Variants in CTNNA2 observed in about 807,000 individuals in gnomAD.
The protein encoded by CTNNA2 is catenin alpha 2.
CTNNA2 carries 42 observed loss-of-function variants against 101.0 expected under a neutral mutation model. The ratio of observed to expected loss-of-function variants is 0.42; its 90% confidence interval spans 0.32 to 0.54. CTNNA2 has a LOEUF of 0.54. Ranked by LOEUF, CTNNA2 falls within the 20% of genes least tolerant of loss-of-function variation. The pLI, the probability that CTNNA2 is intolerant of heterozygous loss-of-function variation, is 0.14. For missense variants in CTNNA2, 871 were observed against 1,223.1 expected, an observed-to-expected ratio of 0.71 and a Z score of 4.29; for synonymous variants, 450 against 456.4, an observed-to-expected ratio of 0.99 and a Z score of 0.18.
At chr2:80,059,250 G>T (rs1428658781) in intron 7 of CTNNA2, among the ~76,000 whole-genome samples, 1 of 152,050 alleles carries the variant, frequency 6.6e-6, no homozygotes, top group African/African-American at 2.4e-5. Flanking sequence ...ATCACAAATT[G>T]CAAGACTCTC....
intron 9 of CTNNA2, among the ~76,000 whole-genome samples, chr2:80,442,574 TGCCATG>T (rs1682688972): frequency 6.6e-6 from 1 of 152,164 alleles, no homozygotes; most frequent in South Asian, 2.1e-4. Context: ...GCCTTCCCAA[TGCCATG>T]GCTTGAGCAA....
chr2:80,365,848 T>C (rs1674882461), intron 7 of CTNNA2, among the ~76,000 whole-genome samples: 1 of 152,180 alleles, frequency 6.6e-6, no homozygotes, highest in Admixed American at 6.5e-5. Flanking sequence ...AGTAGCATTG[T>C]AATTAAGACT....
At chr2:79,886,264 C>T (rs1225923390) in intron 6 of CTNNA2, among the ~76,000 whole-genome samples, 1 of 152,060 alleles carries the variant, frequency 6.6e-6, no homozygotes, top group Admixed American at 6.6e-5. Context: ...GAGTATTTCT[C>T]AGGTAGAAAG....
At chr2:79,383,480 T>C (rs1051072156) in intron 4 of CTNNA2, among the ~76,000 whole-genome samples, 1 of 152,148 alleles carries the variant, frequency 6.6e-6, no homozygotes. Flanking sequence ...GAAACTAGAA[T>C]ACCCATGCTG....
chr2:79,535,847 A>T (rs1461592276), intron 1 of CTNNA2, among the ~76,000 whole-genome samples: 1 of 152,124 alleles, frequency 6.6e-6, no homozygotes, highest in Non-Finnish European at 1.5e-5. Flanking sequence ...ATAGCTGCAC[A>T]TTGTCAGCTC....
At chr2:79,741,232 A>G (rs140403510) in intron 2 of CTNNA2, among the ~76,000 whole-genome samples, 461 of 152,306 alleles carry the variant, frequency 3.0e-3, no homozygotes, top group African/African-American at 0.011. Flanking sequence ...AACATTTGAT[A>G]TATTGGCCAG....
chr2:79,829,539 C>T (rs1177650696), intron 3 of CTNNA2, among the ~76,000 whole-genome samples: 2 of 151,328 alleles, frequency 1.3e-5, no homozygotes, highest in African/African-American at 2.4e-5. Flanking sequence ...CATTGCACTC[C>T]AGGCTGGGTG....
rs139746588 is a variant in CTNNA2 at position 79,888,635 on chromosome 2, C to T, written c.852+14293C>T. On this transcript the variant is annotated intron_variant, in intron 6 of 18. Coordinates refer to ENST00000402739, the MANE Select transcript of CTNNA2 (RefSeq NM_001282597.3). ...TGCAATTTATATCTTGATTTTTTGG[C>T]CCCCTATCAGGTTTAATCAAAATTA... Among the ~76,000 whole-genome samples the T allele has an allele frequency of 9.2e-4, 140 of 152,094 alleles. No individual in the cohort carries two copies. In the Middle Eastern group the frequency reaches 0.017, roughly 18 times the overall value.
chr2:80,596,327 T>G (rs1296034100), intron 15 of CTNNA2, among the ~76,000 whole-genome samples: 2 of 113,684 alleles, frequency 1.8e-5, no homozygotes, highest in Admixed American at 9.7e-5. Context: ...TTTTTTTTTT[T>G]GAGACGGAGT....
chr2:80,415,892 A>T (rs369712392), intron 8 of CTNNA2, among the ~76,000 whole-genome samples: 1 of 152,172 alleles, frequency 6.6e-6, no homozygotes, highest in East Asian at 1.9e-4. Flanking sequence ...ATGTGACAAC[A>T]TGGATGGACT....
rs530166373 is a variant in CTNNA2 at position 80,061,033 on chromosome 2, C to T, written c.1056+151236C>T. On this transcript the variant is annotated intron_variant, in intron 7 of 18. Transcript: ENST00000402739. ...TTTCAACTGCACCACATCCTAAGCT[C>T]TCCCTCTGCCCAACCCTGCCTGTCT... Among the ~76,000 whole-genome samples the T allele has an allele frequency of 2.2e-4, 34 of 152,272 alleles. No individual in the cohort carries two copies. The South Asian group carries it at 5.0e-3, about 22-fold the overall frequency.
At chr2:80,272,996 T>C (rs1423794994) in intron 7 of CTNNA2, among the ~76,000 whole-genome samples, 2 of 152,170 alleles carry the variant, frequency 1.3e-5, no homozygotes, top group Admixed American at 6.5e-5. Flanking sequence ...TGAAAGGTGG[T>C]TTATAAAGAT....
chr2:80,428,037 AG>A (rs1681150504), intron 9 of CTNNA2, among the ~76,000 whole-genome samples: 1 of 152,250 alleles, frequency 6.6e-6, no homozygotes, highest in South Asian at 2.1e-4. Flanking sequence ...AGGTCGGGAA[AG>A]TCTTCCCTTC....
At chr2:80,509,503 T>C (rs1274623953) in intron 9 of CTNNA2, among the ~76,000 whole-genome samples, 2 of 152,134 alleles carry the variant, frequency 1.3e-5, no homozygotes, top group Non-Finnish European at 2.9e-5. Context: ...TTATCTAACA[T>C]ATTGAGCTCA....
chr2:79,982,227 TA>T lies in CTNNA2; in HGVS notation c.1056+72431del, dbSNP rs1558697402. 5.3e-4 allele frequency among the ~76,000 whole-genome samples: 33 copies of T among 62,034 alleles called. 2 individuals are homozygous for T. The highest frequency in any genetic ancestry group is 1.7e-3 in the African/African-American group (31 of 18,576). 40.7% of individuals were successfully genotyped at this position (62,034 alleles called of 152,430 possible). ...ATATATATATATATATATATATATA[TA>T]TATATATATATATGTATGTATATGT... On this transcript the variant is annotated intron_variant, in intron 7 of 18. Coordinates refer to ENST00000402739, the MANE Select transcript of CTNNA2 (RefSeq NM_001282597.3).
At chr2:80,527,130 G>A (rs1690113092) in intron 9 of CTNNA2, among the ~76,000 whole-genome samples, 1 of 152,226 alleles carries the variant, frequency 6.6e-6, no homozygotes, top group Admixed American at 6.5e-5. Flanking sequence ...CATGAAAGAT[G>A]ATAGTAATTA....
chr2:79,946,905 G>C (rs1362106905), intron 7 of CTNNA2, among the ~76,000 whole-genome samples: 2 of 152,204 alleles, frequency 1.3e-5, no homozygotes, highest in Admixed American at 1.3e-4. Flanking sequence ...AGGCGTGGAA[G>C]AGACCAGTCT....
intron 7 of CTNNA2, among the ~76,000 whole-genome samples, chr2:80,312,344 C>T (rs1222326301): frequency 1.3e-5 from 2 of 152,078 alleles, no homozygotes; most frequent in African/African-American, 2.4e-5. Flanking sequence ...GGGTATGAGC[C>T]AGAGTAGCGG....
At chr2:79,443,903 A>ACT (rs3979544) in intron 4 of CTNNA2, among the ~76,000 whole-genome samples, 2,652 of 141,886 alleles carry the variant, frequency 0.019, 24 homozygotes, top group East Asian at 0.038. Flanking sequence ...TTGTATACAT[A>ACT]CTCTCTCTCT....
Sources: gnomAD v4.1 joint callset for allele counts (sites outside exome capture counted in the v4.1 genomes callset) on GRCh38, gnomAD v4.1.1 for gene constraint, MANE v1.5 for transcripts, NCBI Gene and HGNC (gene_info 2026-07-23, HGNC 2026-07-21) for gene names.